The following PIK3C2A variants were observed in gnomAD, a reference collection of about 807,000 sequenced individuals.
PIK3C2A encodes phosphatidylinositol 4-phosphate 3-kinase C2 domain-containing subunit alpha.
PIK3C2A carries 97 observed loss-of-function variants against 204.5 expected under a neutral mutation model. That is an observed-to-expected ratio of 0.47 (90% CI 0.40 to 0.56). The LOEUF is 0.56. PIK3C2A is among the 20% of genes least tolerant of loss of function. The pLI is 0.00. For missense variants in PIK3C2A, 1,735 were observed against 1,969.2 expected (o/e 0.88, Z 2.25); for synonymous variants, 653 against 664.4 (o/e 0.98, Z 0.26).
Position 17,101,276 on chromosome 11 carries a change from A to T in PIK3C2A, c.4008+2T>A. 1 of 1,501,756 alleles carries T rather than the reference A, an allele frequency of 6.7e-7. No homozygotes were observed. Among genetic ancestry groups the T allele is most frequent in the Non-Finnish European group, 9.1e-7 (1 of 1,101,326 alleles). 93.0% of individuals were successfully genotyped at this position (1,501,756 alleles called of 1,614,324 possible). ...AATTAAGTGCTTATAAAGAATAGTT[A>T]CCAGTGAAAGGAGGTTAAGAAAAAG... On this transcript the variant is annotated splice_donor_variant, in intron 25 of 32. Coordinates refer to ENST00000691414, the MANE Select transcript of PIK3C2A (RefSeq NM_002645.4). LOFTEE classifies it high-confidence loss of function.
chr11:17,184,823 T>C (rs928467259), intron 1 of PIK3C2A, among the ~76,000 whole-genome samples: 7 of 152,096 alleles, frequency 4.6e-5, no homozygotes, highest in African/African-American at 1.7e-4. Context: ...CACACCTATA[T>C]TCCTAGCTAC....
At position 17,136,239 on chromosome 11, in the gene PIK3C2A, G is replaced by A. The variant is rs145245967; in HGVS notation, c.1848+243C>T. ...CCAAACCAACTCATTTATGCCAGAG[G>A]TCCTCCTCTATACACAAAGGGTTCA... On this transcript the variant is annotated intron_variant, in intron 9 of 32. Transcript: ENST00000691414. 4.6e-4 allele frequency among the ~76,000 whole-genome samples: 70 copies of A among 152,192 alleles called. 1 individual carries two copies. The highest frequency in any genetic ancestry group is 1.5e-3 in the African/African-American group (64 of 41,532).
At chr11:17,119,391 A>C in intron 16 of PIK3C2A, 78 bp from the exon 17 acceptor site, 1 of 809,504 alleles carries the variant, frequency 1.2e-6, no homozygotes, top group East Asian at 2.5e-5. Context: ...ACACAATCTC[A>C]ATCTGGTCCT....
Position 17,169,710 on chromosome 11 carries a change from T to A in PIK3C2A, c.32A>T (p.Lys11Ile). The A allele has an allele frequency of 6.2e-7, 1 of 1,605,250 alleles. No individual in the cohort carries two copies. The change falls in exon 2 of 33, where the codon AAA becomes ATA. Residue 11 changes from lysine (K) to isoleucine (I), a missense_variant. Coordinates refer to ENST00000691414, the MANE Select transcript of PIK3C2A (RefSeq NM_002645.4). Reference sequence around the variant, plus strand: ...TTCCGGATGTGAAGATGGACATTCTTTAAATCCGCTGTTGCTAGATATCTG... The same window carrying A: ...TTCCGGATGTGAAGATGGACATTCTATAAATCCGCTGTTGCTAGATATCTG... MAQISSNSGF[K>I]ECPSSHPEPT...
At chr11:17,173,548 T>G (rs573662727) in intron 1 of PIK3C2A, among the ~76,000 whole-genome samples, 159 of 152,332 alleles carry the variant, frequency 1.0e-3, no homozygotes, top group African/African-American at 3.7e-3. Context: ...TGGATCCAAC[T>G]AAGCCCAAAG....
At chr11:17,193,469 C>T (rs192113164) in intron 1 of PIK3C2A, 122 of 419,038 alleles carry the variant, frequency 2.9e-4, no homozygotes, top group African/African-American at 2.3e-3. Flanking sequence ...GCTTCAGGAG[C>T]CATGGCTTAG....
In PIK3C2A at chr11:17,157,284, AC is replaced by A. The variant is rs1202249581; in HGVS notation, c.1066-1656del. 2.0e-5 allele frequency among the ~76,000 whole-genome samples: 3 copies of A among 152,134 alleles called. No homozygotes were observed. In the East Asian group the frequency reaches 5.8e-4, roughly 30 times the overall value. ...AGACCAGCCTGGCCAACATGGTGAA[AC>A]CTTGTCTCTACTAAAAATACAAAAA... On this transcript the variant is annotated intron_variant, in intron 2 of 32. Transcript: ENST00000691414.
intron 1 of PIK3C2A, among the ~76,000 whole-genome samples, chr11:17,185,276 T>C (rs1272477701): frequency 1.3e-5 from 2 of 152,246 alleles, no homozygotes; most frequent in Non-Finnish European, 2.9e-5. Flanking sequence ...GCATTTAATA[T>C]ATGTACAGCA....
intron 19 of PIK3C2A, among the ~76,000 whole-genome samples, chr11:17,116,541 G>A (rs1225835734): frequency 6.6e-6 from 1 of 151,966 alleles, no homozygotes; most frequent in Non-Finnish European, 1.5e-5. Context: ...CCATTCCTAA[G>A]TGGAAACAGT....
intron 1 of PIK3C2A, among the ~76,000 whole-genome samples, chr11:17,170,324 T>C (rs1189658942): frequency 2.0e-5 from 3 of 152,240 alleles, no homozygotes; most frequent in African/African-American, 7.2e-5. Context: ...CAAAATACTA[T>C]GTGCAAAACT....
intron 25 of PIK3C2A, 147 bp downstream of exon 25, chr11:17,101,131 G>GT (rs529647394): frequency 5.2e-4 from 242 of 469,548 alleles, no homozygotes; most frequent in African/African-American, 4.1e-3. Context: ...TCACACGGCA[G>GT]TAAGTTTAAA....
chr11:17,182,887 C>T (rs372841802), intron 1 of PIK3C2A, among the ~76,000 whole-genome samples: 15 of 152,174 alleles, frequency 9.9e-5, no homozygotes, highest in African/African-American at 3.4e-4. Context: ...GTCGCCAGGC[C>T]GAAGTGAAGC....
intron 22 of PIK3C2A, among the ~76,000 whole-genome samples, chr11:17,109,938 C>A (rs1297600774): frequency 1.3e-5 from 2 of 152,080 alleles, no homozygotes; most frequent in Admixed American, 6.6e-5. Flanking sequence ...TTAGGCTACA[C>A]TAGGTTAAAA....
intron 27 of PIK3C2A, among the ~76,000 whole-genome samples, chr11:17,095,898 C>G (rs1029930097): frequency 6.6e-6 from 1 of 151,480 alleles, no homozygotes; most frequent in East Asian, 1.9e-4. Flanking sequence ...GCCTGGGCAA[C>G]AGAGTGAGAC....
intron 1 of PIK3C2A, among the ~76,000 whole-genome samples, chr11:17,181,692 A>ACG: frequency 7.3e-6 from 1 of 137,568 alleles, no homozygotes; most frequent in Admixed American, 7.4e-5. Flanking sequence ...ACACACACAC[A>ACG]CAAACACACA....
At chr11:17,190,446 C>T (rs1477559888) in intron 1 of PIK3C2A, among the ~76,000 whole-genome samples, 1 of 151,346 alleles carries the variant, frequency 6.6e-6, no homozygotes, top group Admixed American at 6.6e-5. Context: ...TGGTGCGCAC[C>T]TGTAATCCTA....
In PIK3C2A at chr11:17,088,185, G is replaced by A. The variant is rs1438119122; in HGVS notation, c.*1553C>T. On this transcript the variant is annotated 3_prime_UTR_variant, in exon 33 of 33. Coordinates refer to ENST00000691414, the MANE Select transcript of PIK3C2A (RefSeq NM_002645.4). ...AACCATGAGTTCTTATTATATATAT[G>A]TATATATCCAAATTAACAAAATTGT... The A allele has an allele frequency of 6.6e-6, 1 of 151,968 alleles. No homozygotes were observed. The allele number at this position is 151,968 out of a possible 1,614,324, so 9.4% of individuals were successfully genotyped here. A position where few individuals can be genotyped will look rare whatever the true frequency, so the allele number is the denominator to read the frequency against.
At chr11:17,107,573 G>T (rs76319602) in intron 22 of PIK3C2A, among the ~76,000 whole-genome samples, 1 of 152,016 alleles carries the variant, frequency 6.6e-6, no homozygotes, top group African/African-American at 2.4e-5. Flanking sequence ...GAGGATAAAG[G>T]TATGAGAGAA....
At chr11:17,137,420 T>C (rs960057489) in intron 8 of PIK3C2A, among the ~76,000 whole-genome samples, 82 of 78,770 alleles carry the variant, frequency 1.0e-3, no homozygotes, top group Non-Finnish European at 1.8e-3. Context: ...CATATTACTT[T>C]GCCTTTTTTT....
Sources: gnomAD v4.1 joint callset for allele counts (sites outside exome capture counted in the v4.1 genomes callset) on GRCh38, gnomAD v4.1.1 for gene constraint, MANE v1.5 for transcripts, NCBI Gene and HGNC (gene_info 2026-07-23, HGNC 2026-07-21) for gene names.